The following RRAGC variants were observed in gnomAD, a reference collection of about 807,000 sequenced individuals.
RRAGC encodes the protein Ras related GTP binding C.
A neutral mutation model predicts 37.1 loss-of-function variants in RRAGC; 8 were observed. That is an observed-to-expected ratio of 0.22 (90% CI 0.13 to 0.39). RRAGC has a LOEUF of 0.39. Among genes scored for constraint, RRAGC ranks in the 10% least tolerant of loss-of-function variants. The pLI is 1.00. For synonymous variants in RRAGC, 190 were observed against 181.1 expected, an observed-to-expected ratio of 1.05 and a Z score of -0.39; for missense variants, 342 against 497.6, an observed-to-expected ratio of 0.69 and a Z score of 2.98.
At chr1:38,843,990 A>T (rs1222850467) in intron 6 of RRAGC, among the ~76,000 whole-genome samples, 1 of 152,192 alleles carries the variant, frequency 6.6e-6, no homozygotes, top group East Asian at 1.9e-4. Context: ...AAACCCAAGT[A>T]ACAGTTACAA....
At chr1:38,847,164 C>A (rs1642037383) in intron 5 of RRAGC, 1 of 152,144 alleles carries the variant, frequency 6.6e-6, no homozygotes, top group African/African-American at 2.4e-5. Flanking sequence ...TGGTAATTTT[C>A]TTTGGCAGTA....
intron 1 of RRAGC, among the ~76,000 whole-genome samples, chr1:38,858,005 T>G (rs1642187800): frequency 1.3e-5 from 2 of 151,996 alleles, no homozygotes; most frequent in Non-Finnish European, 2.9e-5. Flanking sequence ...CCTACACAGT[T>G]CTAACATAAA....
chr1:38,855,791 A>G lies in RRAGC; in HGVS notation c.558T>C (p.Asp186=). ...FIHKVDGLSD[D]HKIETQRDIH... ...TGTCCCTCTGTGTTTCTATTTTGTG[A>G]TCATCAGACAGACCATCAACTTTGT... is the stretch of plus-strand genomic sequence containing the variant. Residue 186 remains aspartate (D), a synonymous_variant, in exon 3 of 7, where the codon GAT becomes GAC. Transcript: ENST00000373001. 1 of 1,614,052 alleles carries G rather than the reference A, an allele frequency of 6.2e-7. No homozygotes were observed. The highest frequency in any genetic ancestry group is 1.6e-4 in the Middle Eastern group (1 of 6,062).
chr1:38,859,290 A>C, intron 1 of RRAGC, 120 bp downstream of exon 1: 1 of 939,052 alleles, frequency 1.1e-6, no homozygotes, highest in Non-Finnish European at 1.6e-6. Context: ...CAAGAGTGGA[A>C]GAGAAAGTGC....
At chr1:38,857,179 A>C in intron 1 of RRAGC, 97 bp from the exon 2 acceptor site, 1 of 1,006,406 alleles carries the variant, frequency 9.9e-7, no homozygotes, top group South Asian at 1.6e-5. Context: ...TGATCCCACA[A>C]AAAAAAATTT....
rs751570202 is a variant in RRAGC at position 38,859,566 on chromosome 1, G to A, written c.81C>T (p.Gly27=). 3.9e-6 allele frequency: 6 copies of A among 1,556,416 alleles called. No homozygotes were observed. The South Asian group carries it at 5.9e-5, about 15-fold the overall frequency. The change falls in exon 1 of 7, where the codon GGC becomes GGT. Residue 27 remains glycine, a synonymous_variant. Coordinates refer to ENST00000373001, the MANE Select transcript of RRAGC (RefSeq NM_022157.4). ...CCTCTTCCTCCTCCTCCACGCCGTA[G>A]CCGAAGTCCTTTGGAAACGAATCGG... The part of the protein sequence containing the change: ...GAADSFPKDF[G]YGVEEEEEEA...
chr1:38,839,440 G>T lies in RRAGC; in HGVS notation c.*113C>A. The T allele has an allele frequency of 2.6e-6, 3 of 1,164,118 alleles. No homozygotes were observed. The highest frequency in any genetic ancestry group is 3.6e-6 in the Non-Finnish European group (3 of 824,776). The allele number at this position is 1,164,118 out of a possible 1,614,324, so 72.1% of individuals were successfully genotyped here. A position where few individuals can be genotyped will look rare whatever the true frequency, so the allele number is the denominator to read the frequency against. On this transcript the variant is annotated 3_prime_UTR_variant, in exon 7 of 7. Transcript: ENST00000373001. Reference sequence around the variant, plus strand: ...TGAGAAACTCTACCCCTTGTCTCTAGTGGAACAGGCACCAGATTCCCACAA... The same window carrying T: ...TGAGAAACTCTACCCCTTGTCTCTATTGGAACAGGCACCAGATTCCCACAA...
At chr1:38,858,143 G>A (rs756143829) in intron 1 of RRAGC, among the ~76,000 whole-genome samples, 1 of 152,276 alleles carries the variant, frequency 6.6e-6, no homozygotes, top group Middle Eastern at 3.4e-3. Context: ...AAGTTTTGCT[G>A]TAGAGGTGAA....
At position 38,859,545 on chromosome 1, in the gene RRAGC, TTCC is replaced by T. The variant is rs1478195484; in HGVS notation, c.99_101del (p.Glu36del). Reference sequence around the variant, plus strand: ...CTCCGCCCGCCGCCGCCGCCTCCTCTTCCTCCTCCTCCACGCCGTAGCCGAAGT... The same window carrying T: ...CTCCGCCCGCCGCCGCCGCCTCCTCTTCCTCCTCCACGCCGTAGCCGAAGT... On this transcript the variant is annotated inframe_deletion, in exon 1 of 7. Coordinates refer to ENST00000373001, the MANE Select transcript of RRAGC (RefSeq NM_022157.4). 8.2e-6 allele frequency: 12 copies of T among 1,459,900 alleles called. No individual in the cohort carries two copies. In the East Asian group the frequency reaches 1.9e-4, roughly 23 times the overall value. The allele number at this position is 1,459,900 out of a possible 1,614,324, so 90.4% of individuals were successfully genotyped here. A position where few individuals can be genotyped will look rare whatever the true frequency, so the allele number is the denominator to read the frequency against.
rs761872695 is a variant in RRAGC at position 38,841,858 on chromosome 1, T to TG, written c.1049-2155dup. Among the ~76,000 whole-genome samples, 219 of 152,208 alleles carry TG rather than the reference T, an allele frequency of 1.4e-3. 3 individuals are homozygous for TG. Among genetic ancestry groups the TG allele is most frequent in the Non-Finnish European group, 1.1e-3 (78 of 68,020 alleles). On this transcript the variant is annotated intron_variant, in intron 6 of 6. Coordinates refer to ENST00000373001, the MANE Select transcript of RRAGC (RefSeq NM_022157.4). ...AATAAAAAAATAAACTAACATAGGC[T>TG]GGGCGCGGTGGCTCACGCCTATAAT...
At chr1:38,851,306 C>T (rs1642098860) in intron 5 of RRAGC, among the ~76,000 whole-genome samples, 1 of 152,228 alleles carries the variant, frequency 6.6e-6, no homozygotes, top group Non-Finnish European at 1.5e-5. Context: ...TTCAATCTAA[C>T]TAAGTTCCAG....
chr1:38,850,558 T>C (rs943147214), intron 5 of RRAGC, among the ~76,000 whole-genome samples: 1 of 151,304 alleles, frequency 6.6e-6, no homozygotes, highest in Admixed American at 6.6e-5. Context: ...AAAGAGAGCA[T>C]ATAATCATAA....
At position 38,856,860 on chromosome 1, in the gene RRAGC, T is replaced by A; in HGVS notation, c.441+19A>T. 1 of 1,609,076 alleles carries A rather than the reference T, an allele frequency of 6.2e-7. No individual in the cohort carries two copies. The highest frequency in any genetic ancestry group is 2.2e-5 in the East Asian group (1 of 44,828). On this transcript the variant is annotated intron_variant, in intron 2 of 6. Transcript: ENST00000373001. ...TCTTTTTCCCACCAGGAAAGAGGAG[T>A]AAACACATTACTGACTACCTGTGCG...
rs1336358216 is a variant in RRAGC, at chr1:38,840,450, T to C, written c.1049-746A>G. Among the ~76,000 whole-genome samples the C allele has an allele frequency of 2.0e-5, 3 of 152,134 alleles. No homozygotes were observed. The South Asian group carries it at 6.2e-4, about 32-fold the overall frequency. ...ATGTCAAAGGAAACAGCAGATATGG[T>C]CCATGACTTCCAGACAGGATATGCT... On this transcript the variant is annotated intron_variant, in intron 6 of 6. Transcript: ENST00000373001.
Position 38,859,560 on chromosome 1 carries a change from G to A in RRAGC, c.87C>T (p.Gly29=), listed in dbSNP as rs780196238. The change falls in exon 1 of 7, where the codon GGC becomes GGT. Residue 29 remains glycine (G), a synonymous_variant. Coordinates refer to ENST00000373001, the MANE Select transcript of RRAGC (RefSeq NM_022157.4). ...ADSFPKDFGY[G]VEEEEEEAAA... is the part of the protein sequence containing the mutation. Reference sequence around the variant, plus strand: ...CCGCCTCCTCTTCCTCCTCCTCCACGCCGTAGCCGAAGTCCTTTGGAAACG... The same window carrying A: ...CCGCCTCCTCTTCCTCCTCCTCCACACCGTAGCCGAAGTCCTTTGGAAACG... 2.8e-5 allele frequency: 41 copies of A among 1,486,196 alleles called. No individual in the cohort carries two copies. Among genetic ancestry groups the A allele is most frequent in the Admixed American group, 2.7e-4 (13 of 48,388 alleles). 92.1% of individuals were successfully genotyped at this position (1,486,196 alleles called of 1,614,324 possible). A position where few individuals can be genotyped will look rare whatever the true frequency, so the allele number is the denominator to read the frequency against.
chr1:38,841,961 C>T (rs1161432403), intron 6 of RRAGC, among the ~76,000 whole-genome samples: 1 of 152,262 alleles, frequency 6.6e-6, no homozygotes, highest in Admixed American at 6.5e-5. Context: ...ACAGTGAAAC[C>T]CCATCTCTAC....
At chr1:38,858,987 T>A (rs940344586) in intron 1 of RRAGC, among the ~76,000 whole-genome samples, 30 of 152,222 alleles carry the variant, frequency 2.0e-4, no homozygotes, top group Non-Finnish European at 4.1e-4. Context: ...CTGACGCTGC[T>A]CCCTGGGGCT....
intron 6 of RRAGC, 35 bp downstream of exon 6, chr1:38,845,904 A>AT (rs746568256): frequency 5.2e-6 from 8 of 1,550,858 alleles, no homozygotes; most frequent in Admixed American, 4.1e-5. Flanking sequence ...TGGCAAAGAA[A>AT]TTAACATAAA....
intron 5 of RRAGC, among the ~76,000 whole-genome samples, chr1:38,849,406 T>C (rs1642068348): frequency 6.6e-6 from 1 of 152,090 alleles, no homozygotes; most frequent in African/African-American, 2.4e-5. Flanking sequence ...TAAAATGTAT[T>C]GGCTGGGAGT....
Sources: allele counts gnomAD v4.1 joint callset (sites outside exome capture counted in the v4.1 genomes callset), GRCh38; gene constraint gnomAD v4.1.1; transcripts MANE v1.5; gene names NCBI Gene and HGNC (gene_info 2026-07-23, HGNC 2026-07-21).